Variants in TENM2 observed in about 807,000 individuals in gnomAD.
TENM2 encodes teneurin transmembrane protein 2.
Under a neutral mutation model 245.2 loss-of-function variants are expected in TENM2, and 52 were observed. That is an observed-to-expected ratio of 0.21 (90% confidence interval 0.17 to 0.27). TENM2 has a LOEUF of 0.27. Among genes scored for constraint, TENM2 ranks in the 10% least tolerant of loss-of-function variants. The pLI, the probability that TENM2 is intolerant of heterozygous loss-of-function variation, is 1.00. For missense variants in TENM2, 3,046 were observed against 3,666.8 expected (o/e 0.83, Z 4.37); for synonymous variants, 1,363 against 1,438.9 (o/e 0.95, Z 1.19).
intron 15 of TENM2, among the ~76,000 whole-genome samples, chr5:168,196,962 T>C (rs149166129): frequency 6.6e-6 from 1 of 152,292 alleles, no homozygotes; most frequent in Non-Finnish European, 1.5e-5. Flanking sequence ...CTTCAGCTTG[T>C]TCAGGTTGTA....
intron 1 of TENM2, among the ~76,000 whole-genome samples, chr5:167,351,559 G>A (rs549646925): frequency 2.6e-5 from 4 of 152,178 alleles, no homozygotes; most frequent in East Asian, 1.9e-4. Flanking sequence ...CACTAATTCC[G>A]GTGGACAGTT....
At chr5:167,400,580 G>C (rs955101748) in intron 2 of TENM2, among the ~76,000 whole-genome samples, 1 of 151,634 alleles carries the variant, frequency 6.6e-6, no homozygotes, top group African/African-American at 2.4e-5. Flanking sequence ...ATTAAGATAA[G>C]AAAACCATCA....
intron 23 of TENM2, among the ~76,000 whole-genome samples, chr5:168,221,934 T>C (rs921248188): frequency 3.3e-5 from 5 of 152,294 alleles, no homozygotes; most frequent in Non-Finnish European, 7.4e-5. Flanking sequence ...ATCTGTTACA[T>C]GGGGATAAAA....
chr5:168,151,186 G>A (rs983181565), intron 12 of TENM2, among the ~76,000 whole-genome samples: 14 of 152,162 alleles, frequency 9.2e-5, no homozygotes, highest in South Asian at 6.2e-4. Context: ...CAACTCTTGC[G>A]TTTTAAGGGG....
chr5:167,537,065 G>C (rs1771896931), intron 2 of TENM2, among the ~76,000 whole-genome samples: 1 of 151,920 alleles, frequency 6.6e-6, no homozygotes, highest in African/African-American at 2.4e-5. Context: ...ACAAAGTTTA[G>C]CATGCTGTAC....
At chr5:166,997,577 C>A in the TENM2 span, among the ~76,000 whole-genome samples, 1 of 152,050 alleles carries the variant, frequency 6.6e-6, no homozygotes, top group Admixed American at 6.6e-5. Flanking sequence ...TTATGCTTAA[C>A]TAAAACGTAA....
rs148156226 is a variant in TENM2, at chr5:168,247,776, A to G, written c.6837A>G (p.Glu2279=). The G allele has an allele frequency of 8.9e-5, 144 of 1,613,970 alleles. No homozygotes were observed. The African/African-American group carries it at 1.1e-3, about 12-fold the overall frequency. Residue 2279 remains glutamate (E), a synonymous_variant, in exon 27 of 29, where the codon GAA becomes GAG. Transcript: ENST00000518659. The surrounding 1 kb of genome is among the most constrained non-coding windows in gnomAD (Gnocchi z 7.8). ...GCCAGAGAGGGTCTGACATCTTCGA[A>G]TACAATTCCAAGGGCCTCCTAACAA...
chr5:168,020,969 G>A (rs1006186255), intron 5 of TENM2, among the ~76,000 whole-genome samples: 1 of 152,132 alleles, frequency 6.6e-6, no homozygotes, highest in Admixed American at 6.5e-5. Flanking sequence ...AAAAAGAAAA[G>A]TTTCTTCAAC....
the TENM2 span, among the ~76,000 whole-genome samples, chr5:167,220,568 G>T: frequency 6.6e-6 from 1 of 152,010 alleles, no homozygotes; most frequent in Non-Finnish European, 1.5e-5. Flanking sequence ...AGCTGCAAGG[G>T]GCACCTATGT....
At chr5:167,097,167 T>C in the TENM2 span, among the ~76,000 whole-genome samples, 1 of 152,158 alleles carries the variant, frequency 6.6e-6, no homozygotes, top group African/African-American at 2.4e-5. Context: ...GCGCTAGTCT[T>C]GTGGCCTATT....
intron 2 of TENM2, among the ~76,000 whole-genome samples, chr5:167,598,936 G>A (rs1322145399): frequency 6.6e-6 from 1 of 152,140 alleles, no homozygotes; most frequent in Non-Finnish European, 1.5e-5. Context: ...CTTCATTTGA[G>A]CAACTGCGCT....
At chr5:167,264,027 C>T in the TENM2 span, among the ~76,000 whole-genome samples, 1 of 151,300 alleles carries the variant, frequency 6.6e-6, no homozygotes, top group Non-Finnish European at 1.5e-5. Flanking sequence ...ATTGCTTGAA[C>T]TCGGGAGGTG....
At chr5:167,722,270 C>T (rs1759679613) in intron 2 of TENM2, among the ~76,000 whole-genome samples, 1 of 152,198 alleles carries the variant, frequency 6.6e-6, no homozygotes, top group African/African-American at 2.4e-5. Context: ...TGGTTTTGAA[C>T]TCCATCAGAG....
chr5:167,852,511 C>T (rs1013383199), intron 2 of TENM2, among the ~76,000 whole-genome samples: 1 of 152,124 alleles, frequency 6.6e-6, no homozygotes, highest in East Asian at 1.9e-4. Context: ...TATTATTTAT[C>T]CCTATTTAAC....
At chr5:167,317,787 C>G (rs1756460723) in intron 1 of TENM2, among the ~76,000 whole-genome samples, 1 of 152,136 alleles carries the variant, frequency 6.6e-6, no homozygotes, top group Non-Finnish European at 1.5e-5. Context: ...GCTTTTCCTC[C>G]TTGCCTGCTG....
intron 2 of TENM2, among the ~76,000 whole-genome samples, chr5:167,747,443 C>A (rs1281780766): frequency 1.3e-5 from 2 of 152,166 alleles, no homozygotes; most frequent in Non-Finnish European, 2.9e-5. Context: ...CTTCCATTAA[C>A]CTATGCTGAA....
At chr5:167,923,831 C>T (rs1241361658) in intron 3 of TENM2, among the ~76,000 whole-genome samples, 1 of 152,118 alleles carries the variant, frequency 6.6e-6, no homozygotes, top group Non-Finnish European at 1.5e-5. Context: ...TGTTGTCCCA[C>T]CCAGAACGAA....
At chr5:167,032,386 T>A in the TENM2 span, among the ~76,000 whole-genome samples, 31 of 152,190 alleles carry the variant, frequency 2.0e-4, 3 homozygotes, top group Middle Eastern at 3.4e-3. Context: ...CAAGGGTGAG[T>A]CACAAAACAG....
At chr5:167,516,456 A>T in intron 2 of TENM2, among the ~76,000 whole-genome samples, 1 of 152,158 alleles carries the variant, frequency 6.6e-6, no homozygotes, top group East Asian at 1.9e-4. Flanking sequence ...TCTCTAATGG[A>T]ATCTCTGCAC....
Sources: gnomAD v4.1 joint callset for allele counts (sites outside exome capture counted in the v4.1 genomes callset) on GRCh38, gnomAD v4.1.1 for gene constraint, Gnocchi (gnomAD v3.1) non-coding constraint, MANE v1.5 for transcripts, NCBI Gene and HGNC (gene_info 2026-07-23, HGNC 2026-07-21) for gene names.